The following KAT14 variants were observed in gnomAD, a reference collection of about 807,000 sequenced individuals.
KAT14 encodes the protein lysine acetyltransferase 14.
A neutral mutation model predicts 78.4 loss-of-function variants in KAT14; 66 were observed. The observed-to-expected ratio is 0.84, with a 90% CI of 0.69 to 1.03. The LOEUF is 1.03. Ranked by LOEUF, KAT14 falls within the 50% of genes least tolerant of loss-of-function variation. The pLI, the probability that KAT14 is intolerant of heterozygous loss-of-function variation, is 0.00. For missense variants in KAT14, 870 were observed against 972.5 expected (o/e 0.89, Z 1.40); for synonymous variants, 344 against 359.4 (o/e 0.96, Z 0.48).
chr20:18,184,345 A>G (rs1189100158), intron 9 of KAT14, among the ~76,000 whole-genome samples: 1 of 152,166 alleles, frequency 6.6e-6, no homozygotes, highest in African/African-American at 2.4e-5. Flanking sequence ...GCTGTGTCCA[A>G]TTCTGAACCC....
intron 7 of KAT14, among the ~76,000 whole-genome samples, chr20:18,181,234 G>A (rs6514848): frequency 0.069 from 10,536 of 151,964 alleles, 506 homozygotes; most frequent in South Asian, 0.1. Flanking sequence ...TTATGCAAAG[G>A]TGTCTATAAA....
At chr20:18,144,624 C>T (rs1316975737) in intron 2 of KAT14, among the ~76,000 whole-genome samples, 2 of 152,180 alleles carry the variant, frequency 1.3e-5, no homozygotes, top group African/African-American at 4.8e-5. Flanking sequence ...CCTTATGTGT[C>T]ACAGAGCATC....
intron 4 of KAT14, among the ~76,000 whole-genome samples, chr20:18,158,672 C>T (rs1277866423): frequency 1.3e-5 from 2 of 152,136 alleles, no homozygotes; most frequent in African/African-American, 4.8e-5. Flanking sequence ...AAATGCCCAG[C>T]CTTGGAGTTA....
intron 7 of KAT14, among the ~76,000 whole-genome samples, chr20:18,177,700 T>G (rs2039095890): frequency 6.6e-6 from 1 of 152,188 alleles, no homozygotes; most frequent in South Asian, 2.1e-4. Context: ...GCAAACTGAT[T>G]CTACAAAAAC....
intron 4 of KAT14, among the ~76,000 whole-genome samples, chr20:18,152,709 A>G (rs756909203): frequency 8.5e-5 from 13 of 152,256 alleles, no homozygotes; most frequent in Non-Finnish European, 1.3e-4. Flanking sequence ...GTTTTGTATT[A>G]CTAGTATTTG....
Position 18,142,562 on chromosome 20 carries a change from A to G in KAT14, c.-99A>G. ...AGTGTGGGCAGACACTTTTTGGAAG[A>G]GTCTGTCTGGGTGATCCTGGTAGAA... On this transcript the variant is annotated 5_prime_UTR_variant, in exon 2 of 11. Transcript: ENST00000688188. 1 of 1,536,026 alleles carries G rather than the reference A, an allele frequency of 6.5e-7. No homozygotes were observed. The highest frequency in any genetic ancestry group is 8.8e-7 in the Non-Finnish European group (1 of 1,140,158).
intron 1 of KAT14, among the ~76,000 whole-genome samples, chr20:18,141,054 T>G (rs1423326177): frequency 8.2e-6 from 1 of 121,358 alleles, no homozygotes; most frequent in Non-Finnish European, 1.8e-5. Flanking sequence ...TTTATTTTTA[T>G]TTTTGCTAGA....
Position 18,145,301 on chromosome 20 carries a change from T to G in KAT14, c.328T>G (p.Ser110Ala). The G allele has an allele frequency of 6.2e-7, 1 of 1,614,218 alleles. No individual in the cohort carries two copies. The highest frequency in any genetic ancestry group is 1.6e-4 in the Middle Eastern group (1 of 6,062). The change falls in exon 3 of 11, where the codon TCA becomes GCA. Residue 110 changes from serine to alanine, a missense_variant. By Grantham distance (99) the Ser-to-Ala change is moderately conservative (BLOSUM62 1). Coordinates refer to ENST00000688188, the MANE Select transcript of KAT14 (RefSeq NM_001392073.1). ...NFFRFTCSDC[S>A]ADGKEQYERL... Reference sequence around the variant, plus strand: ...TTTTAGGTTTACTTGTTCGGATTGCTCAGCAGATGGCAAGGAGCAGTATGA... The same window carrying G: ...TTTTAGGTTTACTTGTTCGGATTGCGCAGCAGATGGCAAGGAGCAGTATGA...
At chr20:18,165,675 C>T (rs1284503511) in intron 7 of KAT14, among the ~76,000 whole-genome samples, 1 of 152,176 alleles carries the variant, frequency 6.6e-6, no homozygotes, top group Non-Finnish European at 1.5e-5. Context: ...TCCATGAACC[C>T]CTTCTGAGGT....
At chr20:18,163,607 G>T (rs2038526678) in intron 7 of KAT14, among the ~76,000 whole-genome samples, 1 of 152,168 alleles carries the variant, frequency 6.6e-6, no homozygotes, top group Admixed American at 6.5e-5. Context: ...TTGGTTACAG[G>T]TGAGGTTAAA....
chr20:18,155,808 A>G (rs192957767), intron 4 of KAT14, among the ~76,000 whole-genome samples: 5 of 152,314 alleles, frequency 3.3e-5, no homozygotes, highest in Admixed American at 2.0e-4. Context: ...AAATTGTACA[A>G]TCGTTGTGGA....
intron 3 of KAT14, among the ~76,000 whole-genome samples, chr20:18,146,995 G>A (rs1469479720): frequency 6.6e-6 from 1 of 152,168 alleles, no homozygotes; most frequent in Admixed American, 6.5e-5. Flanking sequence ...CAAGACAGCT[G>A]ACATTCTATA....
In KAT14 at chr20:18,169,935, A is replaced by T. The variant is rs916809890; in HGVS notation, c.1668+6990A>T. On this transcript the variant is annotated intron_variant, in intron 7 of 10. Transcript: ENST00000688188. ...TATGGAGAAAGTTTGAGTGGTCTGG[A>T]TAGAAGATCAAACCAGCCACAGTAT... Among the ~76,000 whole-genome samples the T allele has an allele frequency of 7.9e-5, 12 of 152,332 alleles. No individual in the cohort carries two copies. The East Asian group carries it at 1.9e-3, about 24-fold the overall frequency.
At chr20:18,142,090 A>C in intron 1 of KAT14, 118 bp from the exon 2 acceptor site, 1 of 1,042,640 alleles carries the variant, frequency 9.6e-7, no homozygotes, top group South Asian at 2.1e-5. Context: ...GTAACTGGGT[A>C]TTTGGAATCT....
chr20:18,137,251 T>G (rs995929935), upstream of KAT14, among the ~76,000 whole-genome samples: 1 of 152,014 alleles, frequency 6.6e-6, no homozygotes, highest in Non-Finnish European at 1.5e-5. Flanking sequence ...ATCGCGCCAC[T>G]GCACTCCAGC....
chr20:18,173,888 G>A (rs973174936), intron 7 of KAT14, among the ~76,000 whole-genome samples: 22 of 151,952 alleles, frequency 1.4e-4, no homozygotes, highest in East Asian at 1.9e-4. Flanking sequence ...TACAGTTGAC[G>A]GGTTCCTAAT....
Position 18,184,614 on chromosome 20 carries a change from C to CT in KAT14, c.1995dup (p.Glu666Ter). 2 of 1,611,276 alleles carry CT rather than the reference C, an allele frequency of 1.2e-6. No individual in the cohort carries two copies. Among genetic ancestry groups the CT allele is most frequent in the Non-Finnish European group, 1.7e-6 (2 of 1,179,480 alleles). ...TTCTTTTCTTTAGGCATTGACCTGT[C>CT]TGAGTGTCTGCAGTACCCAGACTTC... is the stretch of plus-strand genomic sequence containing the variant. On this transcript the variant is annotated frameshift_variant, in exon 10 of 11. Coordinates refer to ENST00000688188, the MANE Select transcript of KAT14 (RefSeq NM_001392073.1). LOFTEE classifies it high-confidence loss of function.
intron 7 of KAT14, among the ~76,000 whole-genome samples, chr20:18,170,919 T>C (rs1462076331): frequency 6.6e-6 from 1 of 152,188 alleles, no homozygotes; most frequent in Admixed American, 6.5e-5. Flanking sequence ...GGTTTAAGAT[T>C]AGTATTATTT....
rs533501413 is a variant in KAT14, at chr20:18,163,026, A to G, written c.1668+81A>G. On this transcript the variant is annotated intron_variant, in intron 7 of 10. Coordinates refer to ENST00000688188, the MANE Select transcript of KAT14 (RefSeq NM_001392073.1). The stretch of plus-strand genomic sequence containing the variant: ...GCAGCACTAGGCATTGGACATGGTT[A>G]TGCTGTGACCTTTTAAATCCTGAGT... The G allele has an allele frequency of 8.8e-6, 13 of 1,484,448 alleles. No homozygotes were observed. The East Asian group carries it at 2.3e-4, about 26-fold the overall frequency. 92.0% of individuals were successfully genotyped at this position (1,484,448 alleles called of 1,614,324 possible).
Sources: allele counts gnomAD v4.1 joint callset (sites outside exome capture counted in the v4.1 genomes callset), GRCh38; gene constraint gnomAD v4.1.1; transcripts MANE v1.5; gene names NCBI Gene and HGNC (gene_info 2026-07-23, HGNC 2026-07-21).